PRKG1: variants seen among roughly 807,000 people sequenced by gnomAD.
PRKG1 encodes cGMP-dependent protein kinase 1.
Under a neutral mutation model 88.1 loss-of-function variants are expected in PRKG1, and 35 were observed. That is an observed-to-expected ratio of 0.40 (90% CI 0.30 to 0.53). PRKG1 has a LOEUF of 0.53. Ranked by LOEUF, PRKG1 falls within the 20% of genes least tolerant of loss-of-function variation. The pLI, the probability that PRKG1 is intolerant of heterozygous loss-of-function variation, is 0.59. For synonymous variants in PRKG1, 303 were observed against 292.5 expected, an observed-to-expected ratio of 1.04 and a Z score of -0.37; for missense variants, 540 against 839.8, an observed-to-expected ratio of 0.64 and a Z score of 4.41.
At chr10:52,209,334 A>T (rs138427995) in intron 9 of PRKG1, among the ~76,000 whole-genome samples, 166 of 152,340 alleles carry the variant, frequency 1.1e-3, no homozygotes, top group African/African-American at 3.8e-3. Context: ...ATGTGTCAGA[A>T]AGTATTACAC....
chr10:51,893,204 GT>G (rs1214954102), intron 4 of PRKG1, among the ~76,000 whole-genome samples: 1 of 151,994 alleles, frequency 6.6e-6, no homozygotes, highest in Non-Finnish European at 1.5e-5. Flanking sequence ...CCTTCAGTGA[GT>G]TTTTTAGAAG....
intron 3 of PRKG1, among the ~76,000 whole-genome samples, chr10:51,633,362 C>G (rs1194405988): frequency 3.9e-5 from 6 of 152,022 alleles, no homozygotes; most frequent in Admixed American, 3.9e-4. Context: ...TTCACCCTTT[C>G]TAACAGTTTA....
intron 5 of PRKG1, among the ~76,000 whole-genome samples, chr10:51,958,484 G>A (rs1351580682): frequency 6.6e-6 from 1 of 151,350 alleles, no homozygotes; most frequent in Admixed American, 6.6e-5. Context: ...AGGATAACTT[G>A]GTCCTTTGTG....
chr10:51,451,898 G>T (rs1437891288), intron 2 of PRKG1, among the ~76,000 whole-genome samples: 1 of 151,880 alleles, frequency 6.6e-6, no homozygotes, highest in African/African-American at 2.4e-5. Flanking sequence ...AAAGTGAATA[G>T]GAGAGAATTA....
intron 9 of PRKG1, among the ~76,000 whole-genome samples, chr10:52,220,216 C>A (rs1840209415): frequency 6.6e-6 from 1 of 152,086 alleles, no homozygotes. Flanking sequence ...GCCTTATTCC[C>A]TGAGGTTGTT....
intron 1 of PRKG1, among the ~76,000 whole-genome samples, chr10:51,113,299 T>C (rs922919487): frequency 6.6e-6 from 1 of 152,208 alleles, no homozygotes; most frequent in African/African-American, 2.4e-5. Context: ...GAATCTTCAA[T>C]CATGCCAATG....
At chr10:51,404,766 AT>A (rs1310876930) in intron 2 of PRKG1, among the ~76,000 whole-genome samples, 1 of 152,204 alleles carries the variant, frequency 6.6e-6, no homozygotes, top group Non-Finnish European at 1.5e-5. Flanking sequence ...TGAGGGACTT[AT>A]TAATGTCAAA....
intron 2 of PRKG1, among the ~76,000 whole-genome samples, chr10:51,464,663 G>A (rs1337189040): frequency 6.6e-5 from 10 of 151,732 alleles, no homozygotes; most frequent in Non-Finnish European, 1.2e-4. Context: ...AGGCCGAGGC[G>A]GGCGGATCAC....
At chr10:51,602,758 G>A (rs917843437) in intron 3 of PRKG1, among the ~76,000 whole-genome samples, 6 of 132,076 alleles carry the variant, frequency 4.5e-5, no homozygotes, top group Admixed American at 1.5e-4. Flanking sequence ...GTGTGTGTGT[G>A]TGTGTGTGTG....
intron 2 of PRKG1, among the ~76,000 whole-genome samples, chr10:51,372,359 CTTT>C (rs2132610823): frequency 6.6e-6 from 1 of 152,198 alleles, no homozygotes; most frequent in South Asian, 2.1e-4. Context: ...CAATTGAGTT[CTTT>C]ATCTTGTATC....
At chr10:51,119,018 G>T (rs1457505071) in intron 1 of PRKG1, among the ~76,000 whole-genome samples, 1 of 152,066 alleles carries the variant, frequency 6.6e-6, no homozygotes, top group Non-Finnish European at 1.5e-5. Flanking sequence ...CTGAATATAG[G>T]TTGCTTTAGG....
At chr10:51,165,503 C>T (rs1846513212) in intron 2 of PRKG1, among the ~76,000 whole-genome samples, 1 of 152,122 alleles carries the variant, frequency 6.6e-6, no homozygotes, top group Admixed American at 6.5e-5. Context: ...AGCAAAATAA[C>T]CAGCTAACAT....
chr10:52,069,445 C>G (rs1273568481), intron 7 of PRKG1, among the ~76,000 whole-genome samples: 1 of 152,088 alleles, frequency 6.6e-6, no homozygotes, highest in Non-Finnish European at 1.5e-5. Flanking sequence ...GTAGGAGAAT[C>G]ACTTGAACCC....
intron 1 of PRKG1, among the ~76,000 whole-genome samples, chr10:51,134,750 C>T (rs1004609289): frequency 3.9e-5 from 6 of 152,038 alleles, no homozygotes; most frequent in African/African-American, 1.2e-4. Flanking sequence ...TAAACTACAC[C>T]GTGGTCTAAT....
chr10:51,658,252 C>A (rs1840210265), intron 3 of PRKG1, among the ~76,000 whole-genome samples: 1 of 152,084 alleles, frequency 6.6e-6, no homozygotes, highest in Non-Finnish European at 1.5e-5. Flanking sequence ...CTAGGTCATG[C>A]ACCCACTCGC....
intron 3 of PRKG1, among the ~76,000 whole-genome samples, chr10:51,675,741 G>T (rs1235435440): frequency 6.6e-6 from 1 of 152,120 alleles, no homozygotes; most frequent in Non-Finnish European, 1.5e-5. Context: ...AAATTTTAAA[G>T]TTGTTTTTCC....
intron 3 of PRKG1, among the ~76,000 whole-genome samples, chr10:51,553,256 T>G (rs1489705965): frequency 1.3e-5 from 2 of 151,668 alleles, no homozygotes; most frequent in African/African-American, 2.4e-5. Flanking sequence ...GTAACTCCCT[T>G]CACTAGACTG....
chr10:51,088,912 C>T (rs1360600168), intron 1 of PRKG1, among the ~76,000 whole-genome samples: 1 of 148,934 alleles, frequency 6.7e-6, no homozygotes, highest in African/African-American at 2.5e-5. Context: ...ACATTGGAAA[C>T]CTATGTCACT....
intron 2 of PRKG1, among the ~76,000 whole-genome samples, chr10:51,436,966 C>A (rs567328303): frequency 2.0e-5 from 3 of 152,126 alleles, no homozygotes; most frequent in South Asian, 2.1e-4. Flanking sequence ...GGTAGCCAGG[C>A]CTTGTCACCC....
Sources: gnomAD v4.1 joint callset for allele counts (sites outside exome capture counted in the v4.1 genomes callset) on GRCh38, gnomAD v4.1.1 for gene constraint, MANE v1.5 for transcripts, NCBI Gene and HGNC (gene_info 2026-07-23, HGNC 2026-07-21) for gene names.